LRRK1: variants seen among roughly 807,000 people sequenced by gnomAD.
LRRK1 encodes leucine rich repeat kinase 1.
Under a neutral mutation model 209.1 loss-of-function variants are expected in LRRK1, and 113 were observed. That is an observed-to-expected ratio of 0.54 (90% CI 0.46 to 0.63). The LOEUF is 0.63. LRRK1 is among the 30% of genes least tolerant of loss of function. The pLI is 0.00. For synonymous variants in LRRK1, 1,144 were observed against 1,099.7 expected (o/e 1.04, Z -0.80); for missense variants, 2,284 against 2,632.2 (o/e 0.87, Z 2.89).
At chr15:101,007,092 T>G (rs2032994614) in intron 6 of LRRK1, among the ~76,000 whole-genome samples, 1 of 152,198 alleles carries the variant, frequency 6.6e-6, no homozygotes, top group African/African-American at 2.4e-5. Flanking sequence ...GGCCCAGTCT[T>G]TCCAAACTCC....
rs1452770870 is a variant in LRRK1 at position 101,027,613 on chromosome 15, C to T, written c.2527-25C>T. 6.2e-7 allele frequency: 1 copy of T among 1,604,778 alleles called. No individual in the cohort carries two copies. ...AGGTGTGCCTTGGGACCTGAGAGAC[C>T]CTGCCTCGCCCAACTGTCCCCCAGA... On this transcript the variant is annotated intron_variant, in intron 18 of 33. Transcript: ENST00000388948. The surrounding 1 kb of genome is among the most constrained non-coding windows in gnomAD (Gnocchi z 5.1).
rs2034114823 is a variant in LRRK1, at chr15:101,027,894, G to C, written c.2686+97G>C. On this transcript the variant is annotated intron_variant, in intron 19 of 33. Coordinates refer to ENST00000388948, the MANE Select transcript of LRRK1 (RefSeq NM_024652.6). The surrounding 1 kb of genome is among the most constrained non-coding windows in gnomAD (Gnocchi z 5.1). ...TGGCCTCAGTAATGAATGAGAGACC[G>C]ACACCCAGCCTGCGTTTCTGCCTTC... The C allele has an allele frequency of 1.8e-6, 2 of 1,141,162 alleles. No individual in the cohort carries two copies. Among genetic ancestry groups the C allele is most frequent in the South Asian group, 3.2e-5 (2 of 62,258 alleles). 70.7% of individuals were successfully genotyped at this position (1,141,162 alleles called of 1,614,324 possible).
rs1329494276 is a variant in LRRK1 at position 100,919,415 on chromosome 15, C to G, written c.-159C>G. On this transcript the variant is annotated 5_prime_UTR_variant, in exon 1 of 34. Transcript: ENST00000388948. This position sits in a 1 kb window ranked among gnomAD's most constrained non-coding sequence, Gnocchi z 5.8. ...CCAGTGTGTCCGCCCGGCCCCGCGT[C>G]CCGGAGCGCCCGCACCCGGCCCCGC... 6.7e-6 allele frequency: 1 copy of G among 149,644 alleles called. No individual in the cohort carries two copies. Among genetic ancestry groups the G allele is most frequent in the Non-Finnish European group, 1.5e-5 (1 of 66,880 alleles). The allele number at this position is 149,644 out of a possible 1,614,324, so 9.3% of individuals were successfully genotyped here. A position where few individuals can be genotyped will look rare whatever the true frequency, so the allele number is the denominator to read the frequency against.
At chr15:100,976,448 G>A (rs114371671) in intron 3 of LRRK1, among the ~76,000 whole-genome samples, 18 of 152,312 alleles carry the variant, frequency 1.2e-4, no homozygotes, top group Admixed American at 7.2e-4. Flanking sequence ...TCGTTAATGC[G>A]TATAGAAAGG....
intron 29 of LRRK1, among the ~76,000 whole-genome samples, chr15:101,058,787 T>TA (rs113354333): frequency 0.16 from 22,976 of 147,696 alleles, 1,862 homozygotes; most frequent in African/African-American, 0.18. Context: ...TTGCCAGAGT[T>TA]AAAAAAAAAA....
At chr15:101,057,440 G>A (rs768769860) in intron 28 of LRRK1, among the ~76,000 whole-genome samples, 2 of 152,192 alleles carry the variant, frequency 1.3e-5, no homozygotes, top group African/African-American at 4.8e-5. Context: ...GTTTTTTGAC[G>A]GTGGTGTTTT....
chr15:101,067,421 A>ATGTGTGTGTG lies in LRRK1; in HGVS notation c.5870+714_5870+723dup, dbSNP rs57333844. 185 of 297,158 alleles carry ATGTGTGTGTG rather than the reference A, an allele frequency of 6.2e-4. 1 individual carries two copies. The highest frequency in any genetic ancestry group is 3.8e-3 in the East Asian group (40 of 10,520). 18.4% of individuals were successfully genotyped at this position (297,158 alleles called of 1,614,324 possible). A position where few individuals can be genotyped will look rare whatever the true frequency, so the allele number is the denominator to read the frequency against. ...CCCCTACGAAAAGTCCTCAGTTCAA[A>ATGTGTGTGTG]TGTGTGTGTGTGTGTGTGTGTGTGT... On this transcript the variant is annotated intron_variant, in intron 33 of 33. Coordinates refer to ENST00000388948, the MANE Select transcript of LRRK1 (RefSeq NM_024652.6).
At chr15:101,004,519 A>T (rs1463446221) in intron 6 of LRRK1, among the ~76,000 whole-genome samples, 1 of 152,218 alleles carries the variant, frequency 6.6e-6, no homozygotes, top group African/African-American at 2.4e-5. Context: ...AGAGGCAGCC[A>T]GGCAGGGCTC....
In LRRK1 at chr15:101,027,834, AGAAATGGAACT is replaced by A; in HGVS notation, c.2686+39_2686+49del. On this transcript the variant is annotated intron_variant, in intron 19 of 33. Coordinates refer to ENST00000388948, the MANE Select transcript of LRRK1 (RefSeq NM_024652.6). This position sits in a 1 kb window ranked among gnomAD's most constrained non-coding sequence, Gnocchi z 5.1. The stretch of plus-strand genomic sequence containing the variant: ...TGGGGTAGGTGGCAGGGTGCCCGTG[AGAAATGGAACT>A]GTCTGTACTTGCTAACTTCAGCTTG... 6.5e-7 allele frequency: 1 copy of A among 1,527,350 alleles called. No homozygotes were observed. The highest frequency in any genetic ancestry group is 2.4e-5 in the East Asian group (1 of 41,152). 94.6% of individuals were successfully genotyped at this position (1,527,350 alleles called of 1,614,324 possible).
At position 100,921,288 on chromosome 15, in the gene LRRK1, C is replaced by T. The variant is rs184895103; in HGVS notation, c.-123+1837C>T. ...TTTCAGACTCATGGAGCATTTCTCTCCTCCACCCTTTTTGGGCTCATCTGG... is the reference window on the plus strand; with the variant it reads ...TTTCAGACTCATGGAGCATTTCTCTTCTCCACCCTTTTTGGGCTCATCTGG... On this transcript the variant is annotated intron_variant, in intron 1 of 33. Coordinates refer to ENST00000388948, the MANE Select transcript of LRRK1 (RefSeq NM_024652.6). Among the ~76,000 whole-genome samples, 1,032 of 152,304 alleles carry T rather than the reference C, an allele frequency of 6.8e-3. 6 individuals carry two copies. Among genetic ancestry groups the T allele is most frequent in the South Asian group, 0.011 (54 of 4,830 alleles).
intron 20 of LRRK1, among the ~76,000 whole-genome samples, chr15:101,034,893 T>C (rs764881642): frequency 1.3e-5 from 2 of 152,130 alleles, no homozygotes. Flanking sequence ...TAGTTCTTCA[T>C]AGTAGTCTCT....
intron 4 of LRRK1, among the ~76,000 whole-genome samples, chr15:100,985,703 T>C: frequency 6.6e-6 from 1 of 152,244 alleles, no homozygotes; most frequent in East Asian, 1.9e-4. Flanking sequence ...GGTTTTCAAC[T>C]GCTCCCAGGA....
chr15:101,024,923 G>T lies in LRRK1; in HGVS notation c.2188G>T (p.Glu730Ter). The stretch of plus-strand genomic sequence containing the variant: ...GGTGGTCTGGAACCTGGCGCTGGGG[G>T]AGGAGGCCGTGGCCAACCTCCAGTT... The part of the protein sequence containing the change: ...YVVVWNLALG[E>*]EAVANLQFWL... Residue 730 changes from glutamate (E) to a stop codon, truncating the protein, a stop_gained, in exon 16 of 34, where the codon GAG (glutamate) becomes TAG (stop). Coordinates refer to ENST00000388948, the MANE Select transcript of LRRK1 (RefSeq NM_024652.6). LOFTEE classifies it high-confidence loss of function. This position sits in a 1 kb window ranked among gnomAD's most constrained non-coding sequence, Gnocchi z 4.6. 6.2e-7 allele frequency: 1 copy of T among 1,614,104 alleles called. No homozygotes were observed. Among genetic ancestry groups the T allele is most frequent in the Non-Finnish European group, 8.5e-7 (1 of 1,180,012 alleles).
intron 2 of LRRK1, 132 bp from the exon 3 acceptor site, chr15:100,973,672 C>A (rs1275301869): frequency 5.3e-6 from 5 of 934,792 alleles, no homozygotes; most frequent in African/African-American, 1.7e-5. Flanking sequence ...CGCGGGGCCA[C>A]CCCTCTCTCT....
chr15:100,972,238 C>T (rs1482720577), intron 2 of LRRK1, among the ~76,000 whole-genome samples: 1 of 151,952 alleles, frequency 6.6e-6, no homozygotes, highest in Non-Finnish European at 1.5e-5. Flanking sequence ...GCTGGGATTA[C>T]AGGCATAAGC....
At chr15:100,955,269 G>C (rs754317505) in intron 2 of LRRK1, among the ~76,000 whole-genome samples, 1 of 152,104 alleles carries the variant, frequency 6.6e-6, no homozygotes, top group Non-Finnish European at 1.5e-5. Flanking sequence ...TATTGTAAAA[G>C]GGATTGTTTT....
chr15:100,996,915 G>C (rs573815234), intron 6 of LRRK1, among the ~76,000 whole-genome samples: 8 of 152,300 alleles, frequency 5.3e-5, no homozygotes, highest in African/African-American at 1.9e-4. Flanking sequence ...AAAAGAATAA[G>C]AAAGAGAATA....
rs141993713 is a variant in LRRK1 at position 101,011,915 on chromosome 15, A to G, written c.1282-93A>G. On this transcript the variant is annotated intron_variant, in intron 9 of 33. Transcript: ENST00000388948. Reference sequence around the variant, plus strand: ...TTACAGGACATTATTGTAATGGTCCATTTTTAACATCAAATTTGGAAACAG... The same window carrying G: ...TTACAGGACATTATTGTAATGGTCCGTTTTTAACATCAAATTTGGAAACAG... 543 of 907,258 alleles carry G rather than the reference A, an allele frequency of 6.0e-4. 3 individuals are homozygous for G. The African/African-American group carries it at 7.7e-3, about 13-fold the overall frequency. 56.2% of individuals were successfully genotyped at this position (907,258 alleles called of 1,614,324 possible).
At chr15:100,964,964 T>C (rs571548545) in intron 2 of LRRK1, among the ~76,000 whole-genome samples, 6 of 152,300 alleles carry the variant, frequency 3.9e-5, no homozygotes, top group Non-Finnish European at 5.9e-5. Flanking sequence ...ACTTAACAAT[T>C]ATTGCTCTGG....
Sources: gnomAD v4.1 joint callset for allele counts (sites outside exome capture counted in the v4.1 genomes callset) on GRCh38, gnomAD v4.1.1 for gene constraint, Gnocchi (gnomAD v3.1) non-coding constraint, MANE v1.5 for transcripts, NCBI Gene and HGNC (gene_info 2026-07-23, HGNC 2026-07-21) for gene names.